PHF21B: variants seen among roughly 807,000 people sequenced by gnomAD.
PHF21B encodes the protein PHD finger protein 21B.
Under a neutral mutation model 62.2 loss-of-function variants are expected in PHF21B, and 22 were observed. The observed-to-expected ratio is 0.35, with a 90% CI of 0.25 to 0.51. The LOEUF (loss-of-function observed/expected upper bound fraction) is 0.51. Ranked by LOEUF, PHF21B falls within the 20% of genes least tolerant of loss-of-function variation. The pLI is 0.97. For missense variants in PHF21B, 701 were observed against 707.9 expected (o/e 0.99, Z 0.11); for synonymous variants, 341 against 314.7 (o/e 1.08, Z -0.88).
chr22:44,886,282 G>A (rs1469483183), intron 10 of PHF21B, among the ~76,000 whole-genome samples: 1 of 150,758 alleles, frequency 6.6e-6, no homozygotes, highest in Non-Finnish European at 1.5e-5. Flanking sequence ...CAAATGGAGA[G>A]ACTCGATGTC....
chr22:44,896,042 T>C lies in PHF21B; in HGVS notation c.873A>G (p.Glu291=). ...TGGATCCTTCCTTACCTTCCAAATG[T>C]TCCGTGGTAACCAGGCCTAGCGCTA... is the stretch of plus-strand genomic sequence containing the variant. ...FMVALGLVTT[E]HLEEIQSKRQ... is the part of the protein sequence containing the mutation. The change falls in exon 6 of 13, where the codon GAA becomes GAG. Residue 291 remains glutamate (E), a synonymous_variant. Transcript: ENST00000313237. 1 of 1,614,196 alleles carries C rather than the reference T, an allele frequency of 6.2e-7. No individual in the cohort carries two copies. The highest frequency in any genetic ancestry group is 8.5e-7 in the Non-Finnish European group (1 of 1,180,032).
chr22:44,991,597 G>A (rs957247226), intron 2 of PHF21B, among the ~76,000 whole-genome samples: 3 of 152,304 alleles, frequency 2.0e-5, no homozygotes, highest in East Asian at 1.9e-4. Context: ...CTCTCTGTGG[G>A]GCCAGGACAT....
chr22:44,957,364 G>C (rs2072321618), intron 2 of PHF21B, among the ~76,000 whole-genome samples: 1 of 152,204 alleles, frequency 6.6e-6, no homozygotes, highest in Non-Finnish European at 1.5e-5. Flanking sequence ...GCAAATTCCT[G>C]AACTGACTGT....
At chr22:44,923,262 G>C (rs2071569448) in intron 2 of PHF21B, among the ~76,000 whole-genome samples, 1 of 150,578 alleles carries the variant, frequency 6.6e-6, no homozygotes, top group Admixed American at 6.6e-5. Flanking sequence ...TTTCAAAATG[G>C]TATTAGAACA....
intron 2 of PHF21B, among the ~76,000 whole-genome samples, chr22:44,956,082 G>A (rs2072291110): frequency 6.6e-6 from 1 of 152,222 alleles, no homozygotes. Flanking sequence ...CCGCGAGGAA[G>A]GGGACTGAGC....
At chr22:44,890,586 C>T (rs1229067508) in intron 8 of PHF21B, among the ~76,000 whole-genome samples, 1 of 152,224 alleles carries the variant, frequency 6.6e-6, no homozygotes, top group East Asian at 1.9e-4. Context: ...TTGAAAGCTA[C>T]ACAGAATCCC....
At position 44,887,972 on chromosome 22, in the gene PHF21B, G is replaced by T; in HGVS notation, c.1188C>A (p.Cys396Ter). 6.5e-7 allele frequency: 1 copy of T among 1,529,404 alleles called. No individual in the cohort carries two copies. The highest frequency in any genetic ancestry group is 1.3e-5 in the South Asian group (1 of 78,120). The allele number at this position is 1,529,404 out of a possible 1,614,324, so 94.7% of individuals were successfully genotyped here. Residue 396 changes from cysteine to a stop codon, truncating the protein, a stop_gained, in exon 10 of 13, where the codon TGC (cysteine) becomes TGA (stop). Transcript: ENST00000313237. LOFTEE classifies it high-confidence loss of function. ...APKGVWVCPR[C>*]QQKALKKDEG... Reference sequence around the variant, plus strand: ...ACACAGCCTCCTGTACCTTCTGCTGGCACCTGGGGCACACCCACACGCCCT... The same window carrying T: ...ACACAGCCTCCTGTACCTTCTGCTGTCACCTGGGGCACACCCACACGCCCT...
chr22:44,948,938 G>C (rs1308242729), intron 2 of PHF21B, among the ~76,000 whole-genome samples: 1 of 152,198 alleles, frequency 6.6e-6, no homozygotes, highest in Admixed American at 6.5e-5. Context: ...TCCACAAATG[G>C]GTCACAGATC....
At chr22:44,906,988 C>T (rs79617568) in intron 5 of PHF21B, among the ~76,000 whole-genome samples, 7,816 of 152,278 alleles carry the variant, frequency 0.051, 266 homozygotes, top group Admixed American at 0.07. Context: ...ACTGCCACCT[C>T]ACATCCCTGA....
intron 2 of PHF21B, chr22:45,003,464 G>T (rs1027297136): frequency 6.6e-6 from 1 of 152,260 alleles, no homozygotes; most frequent in African/African-American, 2.4e-5. Context: ...TAAGAACGCC[G>T]CAGAGGCAGA....
Position 44,908,045 on chromosome 22 carries a change from G to A in PHF21B, c.831+5777C>T, listed in dbSNP as rs556486649. On this transcript the variant is annotated intron_variant, in intron 5 of 12. Transcript: ENST00000313237. ...ATGCAGGAAAAGCTGGGAGCTGTAA[G>A]TGGGAAAATCAGGGAAGGATGATAA... 3.9e-5 allele frequency among the ~76,000 whole-genome samples: 6 copies of A among 152,340 alleles called. No homozygotes were observed. In the East Asian group the frequency reaches 1.2e-3, roughly 29 times the overall value.
chr22:44,929,739 T>A (rs924090604), intron 2 of PHF21B, among the ~76,000 whole-genome samples: 2 of 152,212 alleles, frequency 1.3e-5, no homozygotes, highest in Non-Finnish European at 2.9e-5. Flanking sequence ...GCACTGGCAC[T>A]TGAGTCGTTC....
At chr22:44,998,258 T>G (rs1311147451) in intron 2 of PHF21B, among the ~76,000 whole-genome samples, 2 of 152,196 alleles carry the variant, frequency 1.3e-5, no homozygotes, top group Non-Finnish European at 2.9e-5. Context: ...TTCTTGGCAG[T>G]CCTGTTGTCC....
chr22:44,943,022 C>T (rs2071991965), intron 2 of PHF21B, among the ~76,000 whole-genome samples: 1 of 144,528 alleles, frequency 6.9e-6, no homozygotes, highest in African/African-American at 2.6e-5. Context: ...CTCAGAAGGG[C>T]TGACCAAAGC....
intron 4 of PHF21B, among the ~76,000 whole-genome samples, chr22:44,915,527 C>A (rs139133510): frequency 2.0e-3 from 298 of 152,348 alleles, no homozygotes; most frequent in Non-Finnish European, 3.4e-3. Context: ...ACTGCGAATT[C>A]TTTGAGGGGC....
At chr22:44,996,359 G>A (rs1360954443) in intron 2 of PHF21B, among the ~76,000 whole-genome samples, 7 of 152,124 alleles carry the variant, frequency 4.6e-5, no homozygotes, top group Non-Finnish European at 7.4e-5. Context: ...GGTTGGTGCC[G>A]CTTCTCCTTC....
At chr22:44,895,464 T>A (rs2071039623) in intron 6 of PHF21B, among the ~76,000 whole-genome samples, 1 of 152,192 alleles carries the variant, frequency 6.6e-6, no homozygotes, top group Non-Finnish European at 1.5e-5. Flanking sequence ...CGGACACATT[T>A]GGTGGCACAC....
chr22:45,009,510 G>C lies in PHF21B; in HGVS notation c.40C>G (p.Leu14Val), dbSNP rs546251436. The C allele has an allele frequency of 5.6e-5, 88 of 1,562,230 alleles. No homozygotes were observed. The South Asian group carries it at 9.9e-4, about 18-fold the overall frequency. ...QSRPEALAVE[L>V]ARHQNGDLKK... Reference sequence around the variant, plus strand: ...CGGCCACCTACCTGGTGGCGCGCGAGTTCCACGGCGAGCGCCTCGGGCCGG... The same window carrying C: ...CGGCCACCTACCTGGTGGCGCGCGACTTCCACGGCGAGCGCCTCGGGCCGG... Residue 14 changes from leucine to valine, a missense_variant, in exon 1 of 13, where the codon CTC becomes GTC. Leu to Val is a conservative substitution (Grantham distance 32). Coordinates refer to ENST00000313237, the MANE Select transcript of PHF21B (RefSeq NM_138415.5). This position sits in a 1 kb window ranked among gnomAD's most constrained non-coding sequence, Gnocchi z 5.9.
intron 2 of PHF21B, among the ~76,000 whole-genome samples, chr22:44,996,629 T>A (rs913859093): frequency 3.3e-5 from 5 of 149,916 alleles, no homozygotes; most frequent in Non-Finnish European, 7.4e-5. Context: ...CCCCTCTAGA[T>A]CACTCTCTAA....
Sources: allele counts gnomAD v4.1 joint callset (sites outside exome capture counted in the v4.1 genomes callset), GRCh38; gene constraint gnomAD v4.1.1; non-coding constraint Gnocchi (gnomAD v3.1); transcripts MANE v1.5; gene names NCBI Gene and HGNC (gene_info 2026-07-23, HGNC 2026-07-21).